ATP6V1H: variants seen among roughly 807,000 people sequenced by gnomAD.
ATP6V1H encodes V-type proton ATPase subunit H.
In ATP6V1H, 39 loss-of-function variants were observed where a neutral mutation model predicts 71.7. The ratio of observed to expected loss-of-function variants is 0.54; its 90% CI spans 0.42 to 0.71. The LOEUF is 0.71. Among genes scored for constraint, ATP6V1H ranks in the 30% least tolerant of loss-of-function variants. The pLI is 0.00. For synonymous variants in ATP6V1H, 192 were observed against 199.3 expected, an observed-to-expected ratio of 0.96 and a Z score of 0.31; for missense variants, 509 against 594.9, an observed-to-expected ratio of 0.86 and a Z score of 1.50.
At chr8:53,792,779 T>A (rs1809608458) in intron 9 of ATP6V1H, among the ~76,000 whole-genome samples, 1 of 152,170 alleles carries the variant, frequency 6.6e-6, no homozygotes, top group Non-Finnish European at 1.5e-5. Context: ...AATAAGGCAA[T>A]GCATAAAAAT....
intron 6 of ATP6V1H, among the ~76,000 whole-genome samples, chr8:53,813,696 T>C (rs1274538165): frequency 1.3e-5 from 2 of 152,178 alleles, no homozygotes; most frequent in East Asian, 3.8e-4. Flanking sequence ...TCATGTCCTA[T>C]CTTTTGCCCT....
At chr8:53,728,549 A>C (rs1374836466) in intron 13 of ATP6V1H, among the ~76,000 whole-genome samples, 1 of 152,224 alleles carries the variant, frequency 6.6e-6, no homozygotes, top group Admixed American at 6.5e-5. Flanking sequence ...TGTTGCTCGC[A>C]TTACAATTTC....
intron 11 of ATP6V1H, among the ~76,000 whole-genome samples, chr8:53,765,462 C>CAG (rs1808424202): frequency 1.2e-5 from 1 of 80,454 alleles, no homozygotes; most frequent in African/African-American, 4.3e-5. Context: ...ACAACACACA[C>CAG]ACACACACAC....
chr8:53,828,324 T>C lies in ATP6V1H; in HGVS notation c.306+1120A>G, dbSNP rs547895972. ...CTCACTGTTACAGAAGAGGTACACATACGGAAAGGAGAGACAAAGAACCCT... is the reference window on the plus strand; with the variant it reads ...CTCACTGTTACAGAAGAGGTACACACACGGAAAGGAGAGACAAAGAACCCT... On this transcript the variant is annotated intron_variant, in intron 4 of 13. Transcript: ENST00000359530. Among the ~76,000 whole-genome samples the C allele has an allele frequency of 8.3e-4, 127 of 152,276 alleles. 1 individual carries two copies. Among genetic ancestry groups the C allele is most frequent in the Admixed American group, 1.4e-3 (21 of 15,300 alleles).
chr8:53,819,882 A>G (rs1810593129), intron 4 of ATP6V1H, among the ~76,000 whole-genome samples: 1 of 150,520 alleles, frequency 6.6e-6, no homozygotes, highest in South Asian at 2.1e-4. Context: ...TGAGAATAAT[A>G]CCAGCTACCT....
intron 11 of ATP6V1H, among the ~76,000 whole-genome samples, chr8:53,757,997 C>G (rs1433313765): frequency 6.6e-6 from 1 of 152,242 alleles, no homozygotes; most frequent in South Asian, 2.1e-4. Flanking sequence ...CCTGCTGACC[C>G]TAGTTCCTCC....
At chr8:53,724,584 C>T (rs1423381092) in intron 13 of ATP6V1H, among the ~76,000 whole-genome samples, 1 of 144,222 alleles carries the variant, frequency 6.9e-6, no homozygotes, top group Non-Finnish European at 1.5e-5. Context: ...CCCTCCTCCC[C>T]CCTCCCCCTC....
chr8:53,719,208 T>C (rs1286703109), intron 13 of ATP6V1H, among the ~76,000 whole-genome samples: 1 of 152,344 alleles, frequency 6.6e-6, no homozygotes, highest in South Asian at 2.1e-4. Context: ...TCTCACTTTA[T>C]TGCCCAGGCT....
chr8:53,757,391 G>A (rs1033226551), intron 11 of ATP6V1H, among the ~76,000 whole-genome samples: 1 of 152,158 alleles, frequency 6.6e-6, no homozygotes, highest in Non-Finnish European at 1.5e-5. Flanking sequence ...AAAGGGGAGG[G>A]AGATGGTGCT....
At chr8:53,733,955 C>T (rs373875764) in intron 13 of ATP6V1H, among the ~76,000 whole-genome samples, 2 of 152,196 alleles carry the variant, frequency 1.3e-5, no homozygotes, top group South Asian at 4.1e-4. Context: ...GGCTGGTGGC[C>T]TACCTCTCTA....
intron 1 of ATP6V1H, among the ~76,000 whole-genome samples, chr8:53,842,079 T>C (rs957483046): frequency 6.6e-6 from 1 of 152,220 alleles, no homozygotes; most frequent in Non-Finnish European, 1.5e-5. Context: ...TTAACTTTTC[T>C]CATAGAGAAA....
chr8:53,726,754 C>T (rs1563437577), intron 13 of ATP6V1H, among the ~76,000 whole-genome samples: 2 of 152,136 alleles, frequency 1.3e-5, no homozygotes, highest in Non-Finnish European at 2.9e-5. Flanking sequence ...TAATTCTCTT[C>T]CCTCCATCAT....
intron 12 of ATP6V1H, among the ~76,000 whole-genome samples, chr8:53,745,399 T>TAA (rs542475056): frequency 3.3e-5 from 5 of 150,260 alleles, no homozygotes; most frequent in African/African-American, 4.9e-5. Flanking sequence ...CCCTGTTTCT[T>TAA]AAAAAAAAAC....
chr8:53,798,389 T>C (rs1726380153), intron 8 of ATP6V1H, among the ~76,000 whole-genome samples: 1 of 152,052 alleles, frequency 6.6e-6, no homozygotes, highest in Non-Finnish European at 1.5e-5. Context: ...CTGGGGGTAG[T>C]GACGCACACT....
At chr8:53,796,318 A>T (rs1276223583) in intron 8 of ATP6V1H, among the ~76,000 whole-genome samples, 1 of 152,208 alleles carries the variant, frequency 6.6e-6, no homozygotes, top group Non-Finnish European at 1.5e-5. Flanking sequence ...CCTCAGTTTG[A>T]TCAAGAGATC....
chr8:53,830,897 A>G (rs1004182837), intron 3 of ATP6V1H, among the ~76,000 whole-genome samples: 1 of 152,188 alleles, frequency 6.6e-6, no homozygotes, highest in Admixed American at 6.5e-5. Context: ...TCCATTGCAC[A>G]TGCGGTTGGG....
intron 13 of ATP6V1H, among the ~76,000 whole-genome samples, chr8:53,739,941 C>T (rs1807355655): frequency 6.6e-6 from 1 of 152,194 alleles, no homozygotes; most frequent in South Asian, 2.1e-4. Context: ...CCGCTCCTCA[C>T]CCACTCTCAG....
chr8:53,715,893 C>T lies in ATP6V1H; in HGVS notation c.*71G>A. The T allele has an allele frequency of 7.3e-7, 1 of 1,363,446 alleles. No homozygotes were observed. 84.5% of individuals were successfully genotyped at this position (1,363,446 alleles called of 1,614,324 possible). ...TCCAAGTAAAATCAAACAGTGTTCA[C>T]TCTTAACTCTAAACACAGTGCTCCC... On this transcript the variant is annotated 3_prime_UTR_variant, in exon 14 of 14. Transcript: ENST00000359530.
At chr8:53,828,676 G>C (rs567746502) in intron 4 of ATP6V1H, among the ~76,000 whole-genome samples, 1 of 152,280 alleles carries the variant, frequency 6.6e-6, no homozygotes, top group South Asian at 2.1e-4. Context: ...TAGGAAGACA[G>C]CACCATTCTG....
Sources: allele counts gnomAD v4.1 joint callset (sites outside exome capture counted in the v4.1 genomes callset), GRCh38; gene constraint gnomAD v4.1.1; transcripts MANE v1.5; gene names NCBI Gene and HGNC (gene_info 2026-07-23, HGNC 2026-07-21).